Variants in IGLL1 observed in about 807,000 individuals in gnomAD.
IGLL1 encodes immunoglobulin lambda-like polypeptide 1.
In IGLL1, 10 loss-of-function variants were observed where a neutral mutation model predicts 10.5. That is an observed-to-expected ratio of 0.95 (90% CI 0.59 to 1.62). The LOEUF (loss-of-function observed/expected upper bound fraction) is 1.62. IGLL1 is among the 40% of genes most tolerant of loss of function. The pLI, the probability that IGLL1 is intolerant of heterozygous loss-of-function variation, is 0.00. For missense variants in IGLL1, 284 were observed against 278.7 expected (o/e 1.02, Z -0.14); for synonymous variants, 141 against 122.7 (o/e 1.15, Z -0.99).
chr22:23,578,024 T>A (rs907190765), intron 1 of IGLL1, among the ~76,000 whole-genome samples: 3 of 151,666 alleles, frequency 2.0e-5, no homozygotes, highest in African/African-American at 7.3e-5. Context: ...GCTGGGACTA[T>A]AGGCTCGCGC....
At chr22:23,578,989 G>T (rs1925196752) in intron 1 of IGLL1, among the ~76,000 whole-genome samples, 1 of 152,006 alleles carries the variant, frequency 6.6e-6, no homozygotes, top group South Asian at 2.1e-4. Flanking sequence ...AAAAAAGAGA[G>T]AAAAAGGGAA....
intron 2 of IGLL1, 82 bp downstream of exon 2, chr22:23,574,885 G>A (rs1237594091): frequency 2.1e-6 from 2 of 945,220 alleles, no homozygotes; most frequent in African/African-American, 3.3e-5. Flanking sequence ...GGAGGGCAGA[G>A]GGGAAGAAGC....
rs1264276181 is a variant in IGLL1, at chr22:23,573,316, G to A, written c.592C>T (p.His198Tyr). ...SRRSYSCQVM[H>Y]EGSTVEKTVA... ...GTCTTCTCCACGGTGCTCCCTTCGTGCATGACCTGGCAGCTGTAGCTTCTG... is the reference window on the plus strand; with the variant it reads ...GTCTTCTCCACGGTGCTCCCTTCGTACATGACCTGGCAGCTGTAGCTTCTG... The change falls in exon 3 of 3, where the codon CAC becomes TAC. Residue 198 changes from histidine to tyrosine, a missense_variant. Transcript: ENST00000330377. 7 of 1,614,088 alleles carry A rather than the reference G, an allele frequency of 4.3e-6. No individual in the cohort carries two copies. In the South Asian group the frequency reaches 7.7e-5, roughly 18 times the overall value.
intron 2 of IGLL1, 71 bp downstream of exon 2, chr22:23,574,896 C>T (rs1179392812): frequency 1.1e-4 from 121 of 1,071,396 alleles, no homozygotes; most frequent in Non-Finnish European, 1.6e-4. Context: ...GGGAAGAAGC[C>T]CCAGAGAGAG....
Position 23,575,036 on chromosome 22 carries a change from G to T in IGLL1, c.253C>A (p.Arg85=). 6.2e-7 allele frequency: 1 copy of T among 1,613,946 alleles called. No individual in the cohort carries two copies. Among genetic ancestry groups the T allele is most frequent in the East Asian group, 2.2e-5 (1 of 44,874 alleles). Residue 85 remains arginine (R), a synonymous_variant, in exon 2 of 3, where the codon CGG becomes AGG. Transcript: ENST00000330377. ...GSWTGPRCWP[R]GFQSKHNSVT... ...GAGTTATGCTTGGATTGAAACCCCCGGGGCCAGCACCTGGGGCCAGTCCAG... is the reference window on the plus strand; with the variant it reads ...GAGTTATGCTTGGATTGAAACCCCCTGGGCCAGCACCTGGGGCCAGTCCAG...
Position 23,575,126 on chromosome 22 carries a change from A to G in IGLL1, c.207-44T>C, listed in dbSNP as rs763977270. 9 of 1,382,530 alleles carry G rather than the reference A, an allele frequency of 6.5e-6. No individual in the cohort carries two copies. The Admixed American group carries it at 1.0e-4, about 15-fold the overall frequency. 85.6% of individuals were successfully genotyped at this position (1,382,530 alleles called of 1,614,324 possible). A position where few individuals can be genotyped will look rare whatever the true frequency, so the allele number is the denominator to read the frequency against. On this transcript the variant is annotated intron_variant, in intron 1 of 2. Transcript: ENST00000330377. ...ACAGGGCTGCAGTGTGTAGGCTGTGACCCAGGCACAGGGTAGGGGGGTGGC... is the reference window on the plus strand; with the variant it reads ...ACAGGGCTGCAGTGTGTAGGCTGTGGCCCAGGCACAGGGTAGGGGGGTGGC...
At position 23,573,292 on chromosome 22, in the gene IGLL1, T is replaced by A. The variant is rs139491925; in HGVS notation, c.616A>T (p.Thr206Ser). The A allele has an allele frequency of 8.1e-4, 1,301 of 1,613,876 alleles. 1 individual carries two copies. Among genetic ancestry groups the A allele is most frequent in the Admixed American group, 2.5e-3 (147 of 59,994 alleles). ...TATGAACATTCTGCAGGGGCCACCGTCTTCTCCACGGTGCTCCCTTCGTGC... is the reference window on the plus strand; with the variant it reads ...TATGAACATTCTGCAGGGGCCACCGACTTCTCCACGGTGCTCCCTTCGTGC... ...VMHEGSTVEK[T>S]VAPAECS is the part of the protein sequence containing the mutation. Residue 206 changes from threonine to serine, a missense_variant, in exon 3 of 3, where the codon ACG becomes TCG. By Grantham distance (58) the Thr-to-Ser change is moderately conservative (BLOSUM62 1). Coordinates refer to ENST00000330377, the MANE Select transcript of IGLL1 (RefSeq NM_020070.4).
At chr22:23,574,654 C>G (rs1342231820) in intron 2 of IGLL1, among the ~76,000 whole-genome samples, 2 of 152,186 alleles carry the variant, frequency 1.3e-5, no homozygotes, top group African/African-American at 4.8e-5. Flanking sequence ...GGCCCCTCAT[C>G]AGAACCAGCC....
Position 23,575,023 on chromosome 22 carries a change from G to T in IGLL1, c.266C>A (p.Ser89Tyr). Residue 89 changes from serine to tyrosine, a missense_variant, in exon 2 of 3, where the codon TCC becomes TAC. By Grantham distance (144) the Ser-to-Tyr change is moderately radical. Coordinates refer to ENST00000330377, the MANE Select transcript of IGLL1 (RefSeq NM_020070.4). ...GPRCWPRGFQ[S>Y]KHNSVTHVFG... Reference sequence around the variant, plus strand: ...CACATGCGTCACTGAGTTATGCTTGGATTGAAACCCCCGGGGCCAGCACCT... The same window carrying T: ...CACATGCGTCACTGAGTTATGCTTGTATTGAAACCCCCGGGGCCAGCACCT... The T allele has an allele frequency of 1.9e-6, 3 of 1,614,162 alleles. No individual in the cohort carries two copies. Among genetic ancestry groups the T allele is most frequent in the Non-Finnish European group, 2.5e-6 (3 of 1,180,000 alleles).
chr22:23,577,364 C>A (rs1265738859), intron 1 of IGLL1, among the ~76,000 whole-genome samples: 2 of 151,908 alleles, frequency 1.3e-5, no homozygotes, highest in African/African-American at 4.8e-5. Flanking sequence ...CATAGTGAGA[C>A]CCCCATCTCT....
At chr22:23,577,182 C>T (rs1382256020) in intron 1 of IGLL1, among the ~76,000 whole-genome samples, 4 of 152,114 alleles carry the variant, frequency 2.6e-5, no homozygotes, top group Admixed American at 6.6e-5. Flanking sequence ...GAGGCCGAGG[C>T]GGGTGGATGG....
intron 1 of IGLL1, 36 bp downstream of exon 1, chr22:23,579,949 A>G (rs759009731): frequency 4.8e-5 from 74 of 1,529,736 alleles, no homozygotes; most frequent in Non-Finnish European, 5.8e-5. Context: ...TCTGCCACCC[A>G]GACCCCCACA....
intron 1 of IGLL1, among the ~76,000 whole-genome samples, chr22:23,575,835 G>A (rs1925031509): frequency 6.6e-6 from 1 of 152,204 alleles, no homozygotes; most frequent in African/African-American, 2.4e-5. Flanking sequence ...ATGCGACACA[G>A]GGCTGGCCCC....
chr22:23,573,482 C>G lies in IGLL1; in HGVS notation c.426G>C (p.Pro142=), dbSNP rs560833188. ...TLVCLMNDFY[P]GILTVTWKAD... ...CCTTCCAGGTCACCGTCAAGATTCC[C>G]GGATAAAAGTCATTCATGAGACACA... The change falls in exon 3 of 3, where the codon CCG becomes CCC. Residue 142 remains proline (P), a synonymous_variant. Coordinates refer to ENST00000330377, the MANE Select transcript of IGLL1 (RefSeq NM_020070.4). 6.2e-7 allele frequency: 1 copy of G among 1,613,876 alleles called. No individual in the cohort carries two copies. The highest frequency in any genetic ancestry group is 8.5e-7 in the Non-Finnish European group (1 of 1,179,826).
At chr22:23,579,095 C>G (rs1241826570) in intron 1 of IGLL1, among the ~76,000 whole-genome samples, 1 of 152,004 alleles carries the variant, frequency 6.6e-6, no homozygotes, top group Non-Finnish European at 1.5e-5. Flanking sequence ...GAATCTGTGC[C>G]CATGAGCTGA....
chr22:23,576,360 CAAAA>C lies in IGLL1; in HGVS notation c.207-1282_207-1279del, dbSNP rs11455488. Among the ~76,000 whole-genome samples the C allele has an allele frequency of 3.6e-4, 24 of 67,122 alleles. 1 individual carries two copies. The South Asian group carries it at 0.014, about 39-fold the overall frequency. 44.0% of individuals were successfully genotyped at this position (67,122 alleles called of 152,430 possible). On this transcript the variant is annotated intron_variant, in intron 1 of 2. Coordinates refer to ENST00000330377, the MANE Select transcript of IGLL1 (RefSeq NM_020070.4). ...GCCTGGCAACAGAGCAAGACTGTCC[CAAAA>C]AAAAAAAAAAAAAAAAAGAAGTGTC...
intron 1 of IGLL1, among the ~76,000 whole-genome samples, chr22:23,576,806 T>C (rs1925087483): frequency 6.6e-6 from 1 of 152,190 alleles, no homozygotes; most frequent in Admixed American, 6.5e-5. Flanking sequence ...CTAAGTACAT[T>C]CACACCGTTG....
chr22:23,575,070 C>T lies in IGLL1; in HGVS notation c.219G>A (p.Gln73=), dbSNP rs542469985. 8.4e-5 allele frequency: 135 copies of T among 1,613,740 alleles called. 3 individuals are homozygous for T. In the South Asian group the frequency reaches 1.4e-3, roughly 16 times the overall value. Residue 73 remains glutamine (Q), a synonymous_variant, in exon 2 of 3, where the codon CAG becomes CAA. Coordinates refer to ENST00000330377, the MANE Select transcript of IGLL1 (RefSeq NM_020070.4). Reference sequence around the variant, plus strand: ...ACCTGGGGCCAGTCCAGGAGCCGCGCTGGAGCAGGAACCTGCTGGGAGTGA... The same window carrying T: ...ACCTGGGGCCAGTCCAGGAGCCGCGTTGGAGCAGGAACCTGCTGGGAGTGA... ...LRSRWGRFLL[Q]RGSWTGPRCW... is the part of the protein sequence containing the mutation.
chr22:23,577,987 C>T (rs1048030400), intron 1 of IGLL1, among the ~76,000 whole-genome samples: 14 of 151,398 alleles, frequency 9.2e-5, no homozygotes, highest in East Asian at 7.8e-4. Flanking sequence ...CTGATTCAAG[C>T]GATTCTCCTG....
Sources: allele counts gnomAD v4.1 joint callset (sites outside exome capture counted in the v4.1 genomes callset), GRCh38; gene constraint gnomAD v4.1.1; transcripts MANE v1.5; gene names NCBI Gene and HGNC (gene_info 2026-07-23, HGNC 2026-07-21).